Variants in TFDP1 observed in about 807,000 individuals in gnomAD.
The protein encoded by TFDP1 is DRTF1-polypeptide 1.
Under a neutral mutation model 48.0 loss-of-function variants are expected in TFDP1, and 6 were observed. The ratio of observed to expected loss-of-function variants is 0.13; its 90% confidence interval spans 0.07 to 0.25. The LOEUF (loss-of-function observed/expected upper bound fraction) is 0.25, where lower values mean the gene tolerates loss of function less well. TFDP1 is among the 10% of genes least tolerant of loss of function. The pLI is 1.00. For synonymous variants in TFDP1, 201 were observed against 211.6 expected (o/e 0.95, Z 0.44); for missense variants, 335 against 543.0 (o/e 0.62, Z 3.81).
rs148001333 is a variant in TFDP1, at chr13:113,610,109, G to A, written c.13-887G>A. Among the ~76,000 whole-genome samples the A allele has an allele frequency of 3.1e-3, 465 of 152,286 alleles. 2 individuals carry two copies. Among genetic ancestry groups the A allele is most frequent in the African/African-American group, 0.011 (440 of 41,548 alleles). The stretch of plus-strand genomic sequence containing the variant: ...TCTTGCCGTGTGGCTGTACCATTAC[G>A]CGTGTGCTCTTGCCGTGTGGCTGTA... On this transcript the variant is annotated intron_variant, in intron 2 of 11. Transcript: ENST00000375370.
In TFDP1 at chr13:113,623,676, A is replaced by G. The variant is rs1449222837; in HGVS notation, c.186+390A>G. On this transcript the variant is annotated intron_variant, in intron 4 of 11. Coordinates refer to ENST00000375370, the MANE Select transcript of TFDP1 (RefSeq NM_007111.5). This position sits in a 1 kb window ranked among gnomAD's most constrained non-coding sequence, Gnocchi z 5.2. ...CGTTGGCTGTGGCCCTCCTGGAGAC[A>G]TCAGGCTGGGAAGCCAGAGAGGGAT... is the stretch of plus-strand genomic sequence containing the variant. 6.6e-6 allele frequency among the ~76,000 whole-genome samples: 1 copy of G among 152,122 alleles called. No individual in the cohort carries two copies. The highest frequency in any genetic ancestry group is 1.5e-5 in the Non-Finnish European group (1 of 68,000).
At chr13:113,615,697 A>G (rs1208834579) in intron 3 of TFDP1, among the ~76,000 whole-genome samples, 2 of 152,212 alleles carry the variant, frequency 1.3e-5, no homozygotes, top group Non-Finnish European at 2.9e-5. Context: ...TGAGGCCAGG[A>G]GTTCAAGACC....
At position 113,633,085 on chromosome 13, in the gene TFDP1, T is replaced by C. The variant is rs947816676; in HGVS notation, c.309-35T>C. Reference sequence around the variant, plus strand: ...GATTCAGGCTGATCCTCAGGAGGGCTGACAGTCGCTTCTCTTTTCCTTTGT... The same window carrying C: ...GATTCAGGCTGATCCTCAGGAGGGCCGACAGTCGCTTCTCTTTTCCTTTGT... On this transcript the variant is annotated intron_variant, in intron 5 of 11. Coordinates refer to ENST00000375370, the MANE Select transcript of TFDP1 (RefSeq NM_007111.5). The surrounding 1 kb of genome is among the most constrained non-coding windows in gnomAD (Gnocchi z 4.5). The C allele has an allele frequency of 6.2e-7, 1 of 1,612,926 alleles. No homozygotes were observed. Among genetic ancestry groups the C allele is most frequent in the South Asian group, 1.1e-5 (1 of 90,970 alleles).
In TFDP1 at chr13:113,607,984, T is replaced by G. The variant is rs1479033984; in HGVS notation, c.13-3012T>G. Among the ~76,000 whole-genome samples the G allele has an allele frequency of 6.6e-6, 1 of 152,204 alleles. No individual in the cohort carries two copies. Among genetic ancestry groups the G allele is most frequent in the African/African-American group, 2.4e-5 (1 of 41,458 alleles). Reference sequence around the variant, plus strand: ...TGTGTTGGTGCATATGAGGAGTGTTTTCTGTGAGCAGCGGTGGAACATTTA... The same window carrying G: ...TGTGTTGGTGCATATGAGGAGTGTTGTCTGTGAGCAGCGGTGGAACATTTA... On this transcript the variant is annotated intron_variant, in intron 2 of 11. Coordinates refer to ENST00000375370, the MANE Select transcript of TFDP1 (RefSeq NM_007111.5). This position sits in a 1 kb window ranked among gnomAD's most constrained non-coding sequence, Gnocchi z 5.2.
chr13:113,614,834 G>T (rs1184487220), intron 3 of TFDP1, among the ~76,000 whole-genome samples: 1 of 152,214 alleles, frequency 6.6e-6, no homozygotes, highest in Non-Finnish European at 1.5e-5. Context: ...CCTGCAGGGT[G>T]GTTGGTGGTG....
At chr13:113,632,185 A>T (rs2049355323) in intron 5 of TFDP1, among the ~76,000 whole-genome samples, 1 of 152,222 alleles carries the variant, frequency 6.6e-6, no homozygotes, top group African/African-American at 2.4e-5. Context: ...TGCTCCTTCC[A>T]CTAAAGCAAG....
intron 10 of TFDP1, 54 bp from the exon 11 acceptor site, chr13:113,637,764 G>T (rs41288608): frequency 0.022 from 35,523 of 1,614,110 alleles, 476 homozygotes; most frequent in Non-Finnish European, 0.027. Flanking sequence ...TTGCCTGTGC[G>T]TCTTGTGTTG....
At chr13:113,631,914 C>G in intron 5 of TFDP1, 170 bp downstream of exon 5, 2 of 895,080 alleles carry the variant, frequency 2.2e-6, no homozygotes, top group Non-Finnish European at 1.6e-6. Flanking sequence ...AGGTGTGCAG[C>G]CGAGGCGCAC....
chr13:113,603,730 T>A (rs577253915), intron 2 of TFDP1, among the ~76,000 whole-genome samples: 2 of 152,264 alleles, frequency 1.3e-5, no homozygotes, highest in African/African-American at 4.8e-5. Context: ...CTAATAGAAA[T>A]TAAGGTTAGT....
chr13:113,609,283 G>A (rs1161067046), intron 2 of TFDP1, among the ~76,000 whole-genome samples: 1 of 152,192 alleles, frequency 6.6e-6, no homozygotes, highest in African/African-American at 2.4e-5. Context: ...CAGCCCCCCT[G>A]CACATCCTAC....
chr13:113,633,824 T>G lies in TFDP1; in HGVS notation c.475-66T>G. On this transcript the variant is annotated intron_variant, in intron 6 of 11. Coordinates refer to ENST00000375370, the MANE Select transcript of TFDP1 (RefSeq NM_007111.5). This position sits in a 1 kb window ranked among gnomAD's most constrained non-coding sequence, Gnocchi z 4.5. Reference sequence around the variant, plus strand: ...TGCCCCTTTGAGCCAGTGCCCATGGTCTACAGTTTAAGGATCCACCGGCCT... The same window carrying G: ...TGCCCCTTTGAGCCAGTGCCCATGGGCTACAGTTTAAGGATCCACCGGCCT... 1 of 1,547,260 alleles carries G rather than the reference T, an allele frequency of 6.5e-7. No individual in the cohort carries two copies. The highest frequency in any genetic ancestry group is 1.3e-5 in the South Asian group (1 of 79,940).
chr13:113,617,716 G>C (rs2048898505), intron 3 of TFDP1, among the ~76,000 whole-genome samples: 1 of 152,072 alleles, frequency 6.6e-6, no homozygotes, highest in African/African-American at 2.4e-5. Context: ...GTTGTGCTTG[G>C]CCAGATAAGC....
intron 4 of TFDP1, among the ~76,000 whole-genome samples, chr13:113,631,272 C>G: frequency 6.6e-6 from 1 of 152,184 alleles, no homozygotes; most frequent in East Asian, 1.9e-4. Flanking sequence ...TTCTGTGCCG[C>G]CCCCTTCATT....
At chr13:113,612,836 T>C (rs1421095409) in intron 3 of TFDP1, among the ~76,000 whole-genome samples, 1 of 152,228 alleles carries the variant, frequency 6.6e-6, no homozygotes, top group African/African-American at 2.4e-5. Context: ...GAAAATGTTC[T>C]GGTTTTGAGC....
At chr13:113,612,064 G>A (rs1327156395) in intron 3 of TFDP1, among the ~76,000 whole-genome samples, 1 of 152,194 alleles carries the variant, frequency 6.6e-6, no homozygotes, top group East Asian at 1.9e-4. Flanking sequence ...ACCCTTGTAA[G>A]TGACCTCTCA....
Position 113,610,139 on chromosome 13 carries a change from CAT to C in TFDP1, c.13-856_13-855del, listed in dbSNP as rs4150721. Among the ~76,000 whole-genome samples the C allele has an allele frequency of 5.8e-3, 874 of 151,108 alleles. 18 individuals carry two copies. The highest frequency in any genetic ancestry group is 0.051 in the East Asian group (265 of 5,180). On this transcript the variant is annotated intron_variant, in intron 2 of 11. Transcript: ENST00000375370. ...TGCTCTTGCCGTGTGGCTGTACTGT[CAT>C]GTGTGTGCCCCTGCTGTGTGGCTAT...
intron 4 of TFDP1, among the ~76,000 whole-genome samples, chr13:113,628,334 G>A (rs1332477441): frequency 6.6e-6 from 1 of 152,272 alleles, no homozygotes; most frequent in African/African-American, 2.4e-5. Flanking sequence ...CTGAAGCCAT[G>A]TCATTTACTT....
At chr13:113,595,942 C>T (rs545877433) in intron 2 of TFDP1, among the ~76,000 whole-genome samples, 180 of 152,252 alleles carry the variant, frequency 1.2e-3, no homozygotes, top group African/African-American at 4.2e-3. Context: ...GTTAGCTGGG[C>T]GTGGTGGCGG....
chr13:113,614,761 G>A (rs576069846), intron 3 of TFDP1, among the ~76,000 whole-genome samples: 11 of 152,306 alleles, frequency 7.2e-5, no homozygotes, highest in East Asian at 3.9e-4. Context: ...AGTGAGCGAC[G>A]GGAACCTGGG....
Sources: gnomAD v4.1 joint callset for allele counts (sites outside exome capture counted in the v4.1 genomes callset) on GRCh38, gnomAD v4.1.1 for gene constraint, Gnocchi (gnomAD v3.1) non-coding constraint, MANE v1.5 for transcripts, NCBI Gene and HGNC (gene_info 2026-07-23, HGNC 2026-07-21) for gene names.